The following KPLCE variants were observed in gnomAD, a reference collection of about 807,000 sequenced individuals.
The protein encoded by KPLCE is KPRP N-terminal and LCE C-terminal like protein.
chr1:152,720,008 T>G, the KPLCE span: 1 of 1,551,756 alleles, frequency 6.4e-7, no homozygotes, highest in Non-Finnish European at 8.7e-7. Flanking sequence ...TGACCCATGC[T>G]CTGCTCCCTG....
At chr1:152,719,965 T>C in the KPLCE span, 1 of 1,551,950 alleles carries the variant, frequency 6.4e-7, no homozygotes, top group Non-Finnish European at 8.7e-7. Context: ...TTCAAGCTCC[T>C]GCAAGTGGCT....
At chr1:152,719,627 C>T in the KPLCE span, 3 of 1,551,884 alleles carry the variant, frequency 1.9e-6, no homozygotes, top group South Asian at 2.4e-5. Context: ...ATGCCCAGTT[C>T]CATGCCAGAC....
chr1:152,719,756 G>A, the KPLCE span: 2 of 1,550,740 alleles, frequency 1.3e-6, no homozygotes, highest in Non-Finnish European at 1.7e-6. Context: ...GAGGACCTAT[G>A]TGAAATACCC....
the KPLCE span, chr1:152,719,736 C>A: frequency 6.4e-7 from 1 of 1,552,186 alleles, no homozygotes; most frequent in Non-Finnish European, 8.7e-7. Context: ...AAGTGCCCAG[C>A]TCCCTGCCAG....
the KPLCE span, chr1:152,719,530 C>A: frequency 6.4e-7 from 1 of 1,551,216 alleles, no homozygotes; most frequent in African/African-American, 1.4e-5. Flanking sequence ...CAATGTGTGA[C>A]CAGCAGAAGC....
At chr1:152,720,327 A>C in the KPLCE span, 59,822 of 1,392,334 alleles carry the variant, frequency 0.043, 1,467 homozygotes, top group Middle Eastern at 0.073. Flanking sequence ...CTTCTGGAAC[A>C]TGCACCAGCT....
chr1:152,720,213 T>A, the KPLCE span: 2 of 1,551,532 alleles, frequency 1.3e-6, no homozygotes, highest in South Asian at 2.4e-5. Flanking sequence ...TGTTTGGGAA[T>A]TATCCCCATG....
chr1:152,720,281 G>A, the KPLCE span: 14 of 1,533,732 alleles, frequency 9.1e-6, no homozygotes, highest in South Asian at 2.5e-5. Context: ...CTAAACATAC[G>A]ACAGCTCAAC....
the KPLCE span, chr1:152,719,876 A>G: frequency 2.6e-5 from 41 of 1,552,022 alleles, no homozygotes; most frequent in Non-Finnish European, 3.5e-5. Flanking sequence ...CTGCCAGATG[A>G]CCTACATCAA....
chr1:152,719,762 T>C, the KPLCE span: 1 of 1,550,180 alleles, frequency 6.5e-7, no homozygotes, highest in Non-Finnish European at 8.7e-7. Flanking sequence ...CTATGTGAAA[T>C]ACCCAACACC....
At chr1:152,719,529 A>G in the KPLCE span, 1 of 1,551,176 alleles carries the variant, frequency 6.4e-7, no homozygotes, top group Non-Finnish European at 8.7e-7. Context: ...ACAATGTGTG[A>G]CCAGCAGAAG....
the KPLCE span, chr1:152,720,051 C>A: frequency 6.4e-7 from 1 of 1,551,744 alleles, no homozygotes; most frequent in Non-Finnish European, 8.7e-7. Flanking sequence ...GCTCCCCGGA[C>A]CTTCGGGGTG....
chr1:152,720,073 A>G, the KPLCE span: 1 of 1,551,642 alleles, frequency 6.4e-7, no homozygotes. Context: ...GTCCCCTGAG[A>G]CGCTGGATTC....
At chr1:152,719,743 C>A in the KPLCE span, 2 of 1,552,036 alleles carry the variant, frequency 1.3e-6, no homozygotes, top group Non-Finnish European at 8.7e-7. Context: ...CAGCTCCCTG[C>A]CAGAGGACCT....
At chr1:152,719,547 AG>A in the KPLCE span, 1 of 1,551,682 alleles carries the variant, frequency 6.4e-7, no homozygotes, top group Non-Finnish European at 8.7e-7. Context: ...AAGCAGCCAC[AG>A]TTCCCTCCAT....
At chr1:152,720,460 G>A in the KPLCE span, 2 of 578,256 alleles carry the variant, frequency 3.5e-6, no homozygotes, top group East Asian at 2.8e-5. Flanking sequence ...CATGAATAAA[G>A]CTCTGAATGC....
At chr1:152,720,067 C>T in the KPLCE span, 1 of 1,551,748 alleles carries the variant, frequency 6.4e-7, no homozygotes, top group Non-Finnish European at 8.7e-7. Context: ...GGGTGAGTCC[C>T]CTGAGACGCT....
the KPLCE span, chr1:152,720,012 C>T: frequency 4.5e-6 from 7 of 1,551,786 alleles, no homozygotes; most frequent in African/African-American, 8.2e-5. Flanking sequence ...CCATGCTCTG[C>T]TCCCTGTTCC....
chr1:152,720,038 C>G, the KPLCE span: 4,567 of 1,551,766 alleles, frequency 2.9e-3, 96 homozygotes, highest in African/African-American at 0.052. Flanking sequence ...CTACTGCTGT[C>G]TGGCTCCCCG....
Sources: gnomAD v4.1 joint callset for allele counts on GRCh38, gnomAD v4.1.1 for gene constraint, MANE v1.5 for transcripts, NCBI Gene and HGNC (gene_info 2026-07-23, HGNC 2026-07-21) for gene names.